The following MCCC1 variants were observed in gnomAD, a reference collection of about 807,000 sequenced individuals.
MCCC1 encodes methylcrotonyl-CoA carboxylase subunit 1.
Under a neutral mutation model 83.8 loss-of-function variants are expected in MCCC1, and 64 were observed. That is an observed-to-expected ratio of 0.76 (90% CI 0.62 to 0.94). The LOEUF (loss-of-function observed/expected upper bound fraction) is 0.94, where lower values mean the gene tolerates loss of function less well. Ranked by LOEUF, MCCC1 falls within the 40% of genes least tolerant of loss-of-function variation. The pLI is 0.00. For synonymous variants in MCCC1, 322 were observed against 315.4 expected (o/e 1.02, Z -0.22); for missense variants, 807 against 904.7 (o/e 0.89, Z 1.39).
At chr3:183,092,579 G>A (rs1321754992) in intron 2 of MCCC1, 34 bp from the exon 3 acceptor site, 3 of 1,613,460 alleles carry the variant, frequency 1.9e-6, no homozygotes, top group African/African-American at 1.3e-5. Context: ...ACACAGAAAT[G>A]TTACTGGAGA....
chr3:183,086,536 G>T (rs1717903483), intron 4 of MCCC1, among the ~76,000 whole-genome samples, 157 bp downstream of exon 4: 1 of 152,180 alleles, frequency 6.6e-6, no homozygotes, highest in Non-Finnish European at 1.5e-5. Context: ...GACTGGCTGA[G>T]AAATGAGATG....
intron 1 of MCCC1, among the ~76,000 whole-genome samples, chr3:183,107,944 C>T (rs111228773): frequency 1.1e-4 from 16 of 152,012 alleles, no homozygotes; most frequent in Admixed American, 2.6e-4. Context: ...TTTGGGTTTG[C>T]CAAAAATAAA....
intron 11 of MCCC1, 46 bp from the exon 12 acceptor site, chr3:183,039,181 G>GAATAAAAT (rs755728281): frequency 6.5e-7 from 1 of 1,539,428 alleles, no homozygotes; most frequent in Middle Eastern, 1.7e-4. Flanking sequence ...AAACACGAAG[G>GAATAAAAT]AATAAAATAC....
chr3:183,046,284 G>C (rs1467786060), intron 9 of MCCC1, among the ~76,000 whole-genome samples: 2 of 152,106 alleles, frequency 1.3e-5, no homozygotes, highest in Admixed American at 6.5e-5. Context: ...TTATATAAAT[G>C]AAATCATATA....
At chr3:183,065,891 G>A (rs1040295397) in intron 7 of MCCC1, among the ~76,000 whole-genome samples, 6 of 152,212 alleles carry the variant, frequency 3.9e-5, no homozygotes, top group Non-Finnish European at 8.8e-5. Flanking sequence ...AAAGGTTTAT[G>A]AGAACCTCAC....
chr3:183,022,782 A>T (rs923131340), intron 15 of MCCC1: 1 of 468,794 alleles, frequency 2.1e-6, no homozygotes, highest in East Asian at 3.9e-5. Context: ...AAGTTATATA[A>T]CTTATCCATA....
chr3:183,022,224 G>A (rs774912266), intron 16 of MCCC1, among the ~76,000 whole-genome samples, 193 bp downstream of exon 16: 1 of 152,184 alleles, frequency 6.6e-6, no homozygotes, highest in Non-Finnish European at 1.5e-5. Context: ...GTGTGAACGA[G>A]AGAAGTGAAT....
chr3:183,082,147 G>A (rs1260101183), intron 4 of MCCC1, among the ~76,000 whole-genome samples: 3 of 152,220 alleles, frequency 2.0e-5, no homozygotes, highest in Non-Finnish European at 2.9e-5. Flanking sequence ...ACATCAGCAT[G>A]GGCTGGACAG....
chr3:183,086,045 T>C (rs1399347757), intron 4 of MCCC1, among the ~76,000 whole-genome samples: 1 of 152,174 alleles, frequency 6.6e-6, no homozygotes, highest in African/African-American at 2.4e-5. Flanking sequence ...CTGTTATTAT[T>C]AAAGGGTAAT....
At chr3:183,022,250 G>A (rs1405138232) in intron 16 of MCCC1, among the ~76,000 whole-genome samples, 167 bp downstream of exon 16, 1 of 152,186 alleles carries the variant, frequency 6.6e-6, no homozygotes, top group Non-Finnish European at 1.5e-5. Flanking sequence ...ACTACAGAGG[G>A]CAGGAATTTG....
intron 8 of MCCC1, among the ~76,000 whole-genome samples, chr3:183,056,738 G>A (rs1715448080): frequency 6.6e-6 from 1 of 152,154 alleles, no homozygotes; most frequent in African/African-American, 2.4e-5. Flanking sequence ...TTGTTGCCCA[G>A]GCTGGAGTGC....
intron 7 of MCCC1, 114 bp from the exon 8 acceptor site, chr3:183,057,536 T>G: frequency 1.2e-6 from 1 of 865,886 alleles, no homozygotes; most frequent in Non-Finnish European, 1.9e-6. Context: ...TTACTTCCTT[T>G]AAGTAAGATC....
rs1712028454 is a variant in MCCC1 at position 183,020,142 on chromosome 3, T to A, written c.1965A>T (p.Gly655=). 6.2e-7 allele frequency: 1 copy of A among 1,612,872 alleles called. No individual in the cohort carries two copies. Among genetic ancestry groups the A allele is most frequent in the African/African-American group, 1.3e-5 (1 of 75,026 alleles). Residue 655 remains glycine (G), a synonymous_variant, in exon 17 of 19, where the codon GGA becomes GGT. Transcript: ENST00000265594. Reference sequence around the variant, plus strand: ...GTCATGTGATTACCTTTTCAATGGTTCCAGTCATAGGAGCTAAGGGGCCGC... The same window carrying A: ...GTCATGTGATTACCTTTTCAATGGTACCAGTCATAGGAGCTAAGGGGCCGC... The part of the protein sequence containing the change: ...TQGGPLAPMT[G]TIEKVFVKAG...
In MCCC1 at chr3:183,060,658, T is replaced by C. The variant is rs948762552; in HGVS notation, c.762-3236A>G. 3.3e-5 allele frequency among the ~76,000 whole-genome samples: 5 copies of C among 152,208 alleles called. No individual in the cohort carries two copies. In the East Asian group the frequency reaches 9.6e-4, roughly 29 times the overall value. ...GTTACATATGTATACATGCGCCATG[T>C]TGGTGTGCTGCACCCATTAACTCGT... is the stretch of plus-strand genomic sequence containing the variant. On this transcript the variant is annotated intron_variant, in intron 7 of 18. Coordinates refer to ENST00000265594, the MANE Select transcript of MCCC1 (RefSeq NM_020166.5).
chr3:183,015,288 C>T lies in MCCC1; in HGVS notation c.*150G>A. 1 of 803,006 alleles carries T rather than the reference C, an allele frequency of 1.2e-6. No homozygotes were observed. The highest frequency in any genetic ancestry group is 2.2e-6 in the Non-Finnish European group (1 of 459,420). 49.7% of individuals were successfully genotyped at this position (803,006 alleles called of 1,614,324 possible). ...TTTGAGATAATTAGTGACCCAAATG[C>T]ATGATTCTCCAATATGAAAGGTGTT... On this transcript the variant is annotated 3_prime_UTR_variant, in exon 19 of 19. Transcript: ENST00000265594.
At chr3:183,052,138 T>C (rs376768035) in intron 9 of MCCC1, 21 bp downstream of exon 9, 10 of 1,610,526 alleles carry the variant, frequency 6.2e-6, no homozygotes, top group Non-Finnish European at 7.6e-6. Flanking sequence ...TCTCTTCCAT[T>C]AGAAGCAAAT....
intron 3 of MCCC1, among the ~76,000 whole-genome samples, chr3:183,092,105 G>A (rs903999240): frequency 2.0e-5 from 3 of 151,922 alleles, no homozygotes; most frequent in Non-Finnish European, 2.9e-5. Context: ...TTGTATATAC[G>A]GAATCTGGAC....
intron 4 of MCCC1, among the ~76,000 whole-genome samples, chr3:183,074,430 A>T (rs1210289701): frequency 6.6e-6 from 1 of 152,220 alleles, no homozygotes; most frequent in African/African-American, 2.4e-5. Context: ...CCTCTCCAAC[A>T]TCAGTAGCCC....
intron 3 of MCCC1, among the ~76,000 whole-genome samples, chr3:183,090,381 G>T (rs1718228592): frequency 6.6e-6 from 1 of 152,014 alleles, no homozygotes; most frequent in Non-Finnish European, 1.5e-5. Context: ...TTTGACACAG[G>T]AATGTCTCAT....
Sources: gnomAD v4.1 joint callset for allele counts (sites outside exome capture counted in the v4.1 genomes callset) on GRCh38, gnomAD v4.1.1 for gene constraint, MANE v1.5 for transcripts, NCBI Gene and HGNC (gene_info 2026-07-23, HGNC 2026-07-21) for gene names.